FAM153A: variants seen among roughly 807,000 people sequenced by gnomAD.
FAM153A encodes family with sequence similarity 153 member A.
FAM153A carries 12 observed loss-of-function variants against 48.1 expected under a neutral mutation model. The ratio of observed to expected loss-of-function variants is 0.25; its 90% CI spans 0.16 to 0.40. The LOEUF (loss-of-function observed/expected upper bound fraction) is 0.40. Among genes scored for constraint, FAM153A ranks in the 10% least tolerant of loss-of-function variants. The probability of loss-of-function intolerance (pLI) is 1.00; values close to 1 mark genes in which losing one functional copy is unlikely to be tolerated. For synonymous variants in FAM153A, 36 were observed against 118.2 expected (o/e 0.30, Z 4.51); for missense variants, 111 against 345.8 (o/e 0.32, Z 5.38).
the FAM153A span, among the ~76,000 whole-genome samples, chr5:177,700,538 C>T: frequency 6.6e-6 from 1 of 151,876 alleles, no homozygotes; most frequent in African/African-American, 2.4e-5. Context: ...CGTGGTAGCT[C>T]ATGCCTGTAA....
At chr5:177,762,357 TG>T (rs1768375926) in intron 1 of FAM153A, among the ~76,000 whole-genome samples, 1 of 139,146 alleles carries the variant, frequency 7.2e-6, no homozygotes, top group Admixed American at 7.0e-5. Flanking sequence ...GACTTACAGC[TG>T]GGGACGGGTC....
the FAM153A span, among the ~76,000 whole-genome samples, chr5:177,694,842 C>T: frequency 2.7e-5 from 4 of 149,486 alleles, no homozygotes; most frequent in Admixed American, 6.7e-5. Flanking sequence ...CTCAATCCCA[C>T]CAGCCTGATT....
At chr5:177,730,830 T>G (rs1420684074) in intron 16 of FAM153A, among the ~76,000 whole-genome samples, 4 of 123,634 alleles carry the variant, frequency 3.2e-5, no homozygotes, top group Non-Finnish European at 5.2e-5. Flanking sequence ...ATTAAACTTA[T>G]CTTCAGGTAC....
At chr5:177,756,060 G>T (rs558595664), upstream of FAM153A, among the ~76,000 whole-genome samples, 2 of 148,714 alleles carry the variant, frequency 1.3e-5, 1 homozygote, top group African/African-American at 5.1e-5. Flanking sequence ...AAAGAGTCAA[G>T]ATCCATCAGT....
exon 27 of FAM153A, chr5:177,712,784 G>A (rs1417782346): frequency 6.6e-6 from 1 of 151,808 alleles, no homozygotes; most frequent in Non-Finnish European, 1.5e-5. Flanking sequence ...GGTCTTTGTA[G>A]CCAGTGAAGA....
chr5:177,719,404 G>C (rs1453392631), downstream of FAM153A, among the ~76,000 whole-genome samples: 16 of 148,470 alleles, frequency 1.1e-4, no homozygotes, highest in Non-Finnish European at 2.1e-4. Flanking sequence ...AAGTACAGAC[G>C]AGCCTATCCT....
exon 24 of FAM153A, chr5:177,717,169 C>T (rs1291185324): frequency 1.4e-5 from 2 of 140,054 alleles, no homozygotes; most frequent in African/African-American, 5.6e-5. Context: ...TTACTAGTCC[C>T]AGGTAGACAA....
At chr5:177,779,189 C>T (rs1398780190) in intron 1 of FAM153A, among the ~76,000 whole-genome samples, 1 of 150,684 alleles carries the variant, frequency 6.6e-6, no homozygotes, top group Admixed American at 6.6e-5. Context: ...AGTCAAAAAG[C>T]CAAAAGAATT....
downstream of FAM153A, chr5:177,722,836 A>G: frequency 6.6e-6 from 1 of 150,974 alleles, no homozygotes; most frequent in Non-Finnish European, 1.5e-5. Flanking sequence ...GGGCACCTTC[A>G]GGGGGCTGGT....
At chr5:177,700,316 A>G in the FAM153A span, among the ~76,000 whole-genome samples, 9 of 151,940 alleles carry the variant, frequency 5.9e-5, no homozygotes, top group African/African-American at 2.2e-4. Context: ...ATTTCTATTA[A>G]TATTGTATTG....
At chr5:177,699,273 T>C in the FAM153A span, among the ~76,000 whole-genome samples, 1 of 151,278 alleles carries the variant, frequency 6.6e-6, no homozygotes, top group Non-Finnish European at 1.5e-5. Context: ...AAACTTCCAC[T>C]TTAAGAAACT....
the FAM153A span, among the ~76,000 whole-genome samples, chr5:177,700,800 TCAAAA>T: frequency 6.6e-6 from 1 of 151,788 alleles, no homozygotes; most frequent in Admixed American, 6.6e-5. Context: ...AGACTCTGTC[TCAAAA>T]CAAAACACCT....
downstream of FAM153A, among the ~76,000 whole-genome samples, chr5:177,705,716 G>A (rs1279431843): frequency 7.5e-6 from 1 of 132,624 alleles, no homozygotes; most frequent in Non-Finnish European, 1.5e-5. Context: ...CTGGAGTGCA[G>A]TGACATGATC....
chr5:177,759,901 T>A (rs1215410403), intron 1 of FAM153A, among the ~76,000 whole-genome samples: 1 of 151,566 alleles, frequency 6.6e-6, no homozygotes, highest in East Asian at 1.9e-4. Context: ...CATGTATACA[T>A]ATGTAACAAA....
upstream of FAM153A, among the ~76,000 whole-genome samples, chr5:177,757,122 CAG>C (rs1190064743): frequency 3.5e-5 from 2 of 56,468 alleles, no homozygotes; most frequent in Non-Finnish European, 7.6e-5. Flanking sequence ...AAGAATCAAA[CAG>C]AGGCAATAAA....
At chr5:177,697,636 C>A in the FAM153A span, among the ~76,000 whole-genome samples, 1 of 151,888 alleles carries the variant, frequency 6.6e-6, no homozygotes, top group Non-Finnish European at 1.5e-5. Flanking sequence ...CTCTTCTGTA[C>A]TTCAGCAGTC....
the FAM153A span, among the ~76,000 whole-genome samples, chr5:177,701,281 A>G: frequency 4.0e-5 from 6 of 151,844 alleles, no homozygotes; most frequent in African/African-American, 1.2e-4. Context: ...TACCCAGTCT[A>G]TGCCAGGCAT....
chr5:177,779,110 T>C (rs1449709540), intron 1 of FAM153A, among the ~76,000 whole-genome samples: 4 of 151,772 alleles, frequency 2.6e-5, no homozygotes, highest in African/African-American at 9.7e-5. Context: ...TTTTACTTGC[T>C]TCTAATCTTT....
At chr5:177,719,519 A>G (rs1370728176), downstream of FAM153A, among the ~76,000 whole-genome samples, 60 of 149,550 alleles carry the variant, frequency 4.0e-4, no homozygotes, top group African/African-American at 1.5e-3. Flanking sequence ...CTCGGCAAGG[A>G]TAAGATAAAC....
Sources: allele counts gnomAD v4.1 joint callset (sites outside exome capture counted in the v4.1 genomes callset), GRCh38; gene constraint gnomAD v4.1.1; transcripts MANE v1.5; gene names NCBI Gene and HGNC (gene_info 2026-07-23, HGNC 2026-07-21).